The following ADGRL2 variants were observed in gnomAD, a reference collection of about 807,000 sequenced individuals.
ADGRL2 encodes the protein adhesion G protein-coupled receptor L2.
ADGRL2 carries 44 observed loss-of-function variants against 157.4 expected under a neutral mutation model. The ratio of observed to expected loss-of-function variants is 0.28; its 90% CI spans 0.22 to 0.36. ADGRL2 has a LOEUF of 0.36. Among genes scored for constraint, ADGRL2 ranks in the 10% least tolerant of loss-of-function variants. The probability of loss-of-function intolerance (pLI) is 1.00; values close to 1 mark genes in which losing one functional copy is unlikely to be tolerated. For missense variants in ADGRL2, 1,510 were observed against 1,768.9 expected, an observed-to-expected ratio of 0.85 and a Z score of 2.63; for synonymous variants, 585 against 624.7, an observed-to-expected ratio of 0.94 and a Z score of 0.95.
intron 21 of ADGRL2, among the ~76,000 whole-genome samples, chr1:81,986,043 A>C (rs1169619611): frequency 6.6e-6 from 1 of 152,058 alleles, no homozygotes; most frequent in Non-Finnish European, 1.5e-5. Flanking sequence ...TTCTAGTGAG[A>C]TTCTCATTTA....
intron 17 of ADGRL2, among the ~76,000 whole-genome samples, chr1:81,978,139 G>A (rs1334607939): frequency 6.6e-6 from 1 of 151,024 alleles, no homozygotes; most frequent in African/African-American, 2.4e-5. Context: ...ACTTTACCAT[G>A]ATTCTTTAAA....
intron 2 of ADGRL2, chr1:81,502,735 G>A (rs2078880899): frequency 6.2e-7 from 1 of 1,613,804 alleles, no homozygotes; most frequent in Non-Finnish European, 8.5e-7. Context: ...CGAGCTCCAG[G>A]CAGCAATTGA....
At chr1:81,878,754 C>T (rs979961200) in intron 2 of ADGRL2, among the ~76,000 whole-genome samples, 1 of 152,048 alleles carries the variant, frequency 6.6e-6, no homozygotes, top group Non-Finnish European at 1.5e-5. Flanking sequence ...AGGCTAAAAG[C>T]TAGAGTAAAT....
At chr1:81,679,773 C>G (rs1248126543) in intron 3 of ADGRL2, among the ~76,000 whole-genome samples, 1 of 152,184 alleles carries the variant, frequency 6.6e-6, no homozygotes, top group Non-Finnish European at 1.5e-5. Flanking sequence ...GGAAGTACCT[C>G]ATGCTAAAGA....
intron 2 of ADGRL2, among the ~76,000 whole-genome samples, chr1:81,505,492 C>T (rs1005741698): frequency 2.0e-5 from 3 of 150,764 alleles, no homozygotes; most frequent in Non-Finnish European, 4.4e-5. Context: ...CGCCTGGCCA[C>T]ACCGTTGGAG....
chr1:81,725,858 C>T (rs190299533), intron 1 of ADGRL2, among the ~76,000 whole-genome samples: 1 of 152,248 alleles, frequency 6.6e-6, no homozygotes, highest in African/African-American at 2.4e-5. Context: ...TGGTGCACGC[C>T]GGTAGTCCCC....
chr1:81,909,154 A>G (rs2094652084), intron 3 of ADGRL2, among the ~76,000 whole-genome samples: 1 of 152,082 alleles, frequency 6.6e-6, no homozygotes, highest in Non-Finnish European at 1.5e-5. Context: ...AGGATTACAG[A>G]TGTGAGTTGC....
intron 3 of ADGRL2, among the ~76,000 whole-genome samples, chr1:81,693,568 C>T (rs1344506892): frequency 6.6e-6 from 1 of 152,148 alleles, no homozygotes; most frequent in Non-Finnish European, 1.5e-5. Flanking sequence ...AGAATGGCAT[C>T]GAGCCACATT....
rs369383895 is a variant in ADGRL2 at position 81,487,357 on chromosome 1, A to G, written c.-248+42268A>G. On this transcript the variant is annotated intron_variant, in intron 2 of 24. Transcript: ENST00000370721. ...TAAATATAAACCCATTTAAAGATATATTGAAGGCCAGGTGTGGTGGCTCAT... is the reference window on the plus strand; with the variant it reads ...TAAATATAAACCCATTTAAAGATATGTTGAAGGCCAGGTGTGGTGGCTCAT... Among the ~76,000 whole-genome samples, 26 of 152,128 alleles carry G rather than the reference A, an allele frequency of 1.7e-4. No individual in the cohort carries two copies. The East Asian group carries it at 1.9e-3, about 11-fold the overall frequency.
At chr1:81,584,378 T>C (rs2080980540) in intron 3 of ADGRL2, among the ~76,000 whole-genome samples, 1 of 151,612 alleles carries the variant, frequency 6.6e-6, no homozygotes, top group Admixed American at 6.6e-5. Flanking sequence ...TTTTTACTAA[T>C]GAAACATAAA....
intron 1 of ADGRL2, among the ~76,000 whole-genome samples, chr1:81,410,090 C>A (rs969468061): frequency 6.6e-6 from 1 of 152,196 alleles, no homozygotes; most frequent in Non-Finnish European, 1.5e-5. Flanking sequence ...GTGATCTTTA[C>A]ATGAAAGTCA....
chr1:81,930,433 A>G (rs920079821), intron 3 of ADGRL2, among the ~76,000 whole-genome samples: 6 of 152,176 alleles, frequency 3.9e-5, no homozygotes, highest in African/African-American at 9.6e-5. Flanking sequence ...CTTAATTTCA[A>G]AAAATACTGT....
intron 2 of ADGRL2, among the ~76,000 whole-genome samples, chr1:81,555,881 C>A (rs1260021264): frequency 6.6e-6 from 1 of 152,144 alleles, no homozygotes; most frequent in Non-Finnish European, 1.5e-5. Context: ...CCCCTTGTAG[C>A]TCACTTATGC....
At chr1:81,837,315 T>A (rs1244276958) in intron 2 of ADGRL2, among the ~76,000 whole-genome samples, 1 of 152,014 alleles carries the variant, frequency 6.6e-6, no homozygotes, top group African/African-American at 2.4e-5. Context: ...CCGAGGGAAC[T>A]AAATGAAAGC....
chr1:81,906,718 T>C (rs1368347280), intron 2 of ADGRL2, among the ~76,000 whole-genome samples: 1 of 152,200 alleles, frequency 6.6e-6, no homozygotes, highest in African/African-American at 2.4e-5. Context: ...TCACCGTTTA[T>C]AAAATCCATG....
intron 1 of ADGRL2, among the ~76,000 whole-genome samples, chr1:81,705,211 C>G (rs1448912838): frequency 6.6e-6 from 1 of 152,124 alleles, no homozygotes; most frequent in East Asian, 1.9e-4. Flanking sequence ...GCCACCATGC[C>G]CCACTAATTT....
chr1:81,502,411 T>C (rs889108964), intron 2 of ADGRL2: 27 of 1,613,972 alleles, frequency 1.7e-5, no homozygotes, highest in Non-Finnish European at 2.1e-5. Context: ...CCAAGCTGTA[T>C]GAACTGGACG....
intron 2 of ADGRL2, among the ~76,000 whole-genome samples, chr1:81,882,307 A>G (rs1271230154): frequency 6.6e-6 from 1 of 152,216 alleles, no homozygotes; most frequent in African/African-American, 2.4e-5. Flanking sequence ...GTTTATGCCA[A>G]ATATACTACT....
chr1:81,319,115 T>G (rs995422850), intron 1 of ADGRL2, among the ~76,000 whole-genome samples: 3 of 142,962 alleles, frequency 2.1e-5, no homozygotes, highest in Non-Finnish European at 4.6e-5. Flanking sequence ...TAATTTTGTA[T>G]TTTTTTTTTT....
Sources: gnomAD v4.1 joint callset for allele counts (sites outside exome capture counted in the v4.1 genomes callset) on GRCh38, gnomAD v4.1.1 for gene constraint, MANE v1.5 for transcripts, NCBI Gene and HGNC (gene_info 2026-07-23, HGNC 2026-07-21) for gene names.